Variants in C1orf21 observed in about 807,000 individuals in gnomAD.
C1orf21 encodes chromosome 1 open reading frame 21.
In C1orf21, 3 loss-of-function variants were observed where a neutral mutation model predicts 18.7. That is an observed-to-expected ratio of 0.16 (90% CI 0.07 to 0.42). The LOEUF is 0.42. C1orf21 is among the 10% of genes least tolerant of loss of function. The pLI is 0.99. For synonymous variants in C1orf21, 41 were observed against 46.4 expected (o/e 0.88, Z 0.47); for missense variants, 104 against 143.6 (o/e 0.72, Z 1.41).
intron 2 of C1orf21, among the ~76,000 whole-genome samples, chr1:184,486,098 G>A (rs1214486060): frequency 6.6e-6 from 1 of 152,210 alleles, no homozygotes; most frequent in African/African-American, 2.4e-5. Flanking sequence ...TGGAATCACA[G>A]AAGCCAGTCG....
intron 3 of C1orf21, among the ~76,000 whole-genome samples, chr1:184,554,895 G>A (rs1408290540): frequency 6.6e-6 from 1 of 152,202 alleles, no homozygotes; most frequent in East Asian, 1.9e-4. Context: ...GTTCAAAAGT[G>A]CATGCACATG....
chr1:184,565,877 CAAGTA>C (rs1326825231), intron 3 of C1orf21, among the ~76,000 whole-genome samples: 3 of 152,132 alleles, frequency 2.0e-5, no homozygotes, highest in African/African-American at 7.2e-5. Flanking sequence ...TATAAATCTA[CAAGTA>C]AATATTTTAA....
chr1:184,423,859 G>A lies in C1orf21; in HGVS notation c.-125+36491G>A, dbSNP rs912405799. ...CCCTCCACTCATCCATCCACCCATC[G>A]TCCATCCATCCATCCATCCATCCAT... is the stretch of plus-strand genomic sequence containing the variant. On this transcript the variant is annotated intron_variant, in intron 1 of 5. Coordinates refer to ENST00000235307, the MANE Select transcript of C1orf21 (RefSeq NM_030806.4). 2.9e-4 allele frequency among the ~76,000 whole-genome samples: 42 copies of A among 146,954 alleles called. 1 individual carries two copies. Among genetic ancestry groups the A allele is most frequent in the Admixed American group, 1.9e-3 (28 of 14,654 alleles).
chr1:184,535,148 T>G (rs1048003701), intron 3 of C1orf21, among the ~76,000 whole-genome samples: 1 of 152,216 alleles, frequency 6.6e-6, no homozygotes, highest in Admixed American at 6.5e-5. Context: ...GACAGGGAAC[T>G]ACGATCTGTT....
chr1:184,520,833 C>T (rs1175774028), intron 3 of C1orf21, among the ~76,000 whole-genome samples: 1 of 152,116 alleles, frequency 6.6e-6, no homozygotes, highest in Non-Finnish European at 1.5e-5. Context: ...AAAATAAAAT[C>T]AGGCATAAAC....
intron 1 of C1orf21, among the ~76,000 whole-genome samples, chr1:184,400,346 G>A (rs1463634340): frequency 6.6e-6 from 1 of 152,076 alleles, no homozygotes; most frequent in Admixed American, 6.6e-5. Flanking sequence ...AGTGGACAGA[G>A]TTCAGAAAAA....
chr1:184,487,116 C>T (rs1657743729), intron 2 of C1orf21, among the ~76,000 whole-genome samples: 1 of 150,438 alleles, frequency 6.6e-6, no homozygotes, highest in African/African-American at 2.5e-5. Flanking sequence ...TTGCACTTCC[C>T]CTTGGAGTTA....
At chr1:184,615,974 A>G (rs890505026) in intron 5 of C1orf21, among the ~76,000 whole-genome samples, 4 of 152,176 alleles carry the variant, frequency 2.6e-5, no homozygotes, top group Non-Finnish European at 4.4e-5. Context: ...TTTGAAATAT[A>G]CAATATATTA....
chr1:184,456,096 T>C (rs2101981651), intron 1 of C1orf21, among the ~76,000 whole-genome samples: 1 of 152,306 alleles, frequency 6.6e-6, no homozygotes, highest in South Asian at 2.1e-4. Flanking sequence ...CCTTGGGATG[T>C]AGCAAGCTAT....
intron 3 of C1orf21, among the ~76,000 whole-genome samples, chr1:184,520,583 C>CAA: frequency 6.6e-6 from 1 of 152,314 alleles, no homozygotes; most frequent in South Asian, 2.1e-4. Flanking sequence ...CCTTACTGCT[C>CAA]ATAATGTTTC....
chr1:184,546,307 C>A (rs1658726228), intron 3 of C1orf21, among the ~76,000 whole-genome samples: 1 of 152,080 alleles, frequency 6.6e-6, no homozygotes, highest in Admixed American at 6.6e-5. Context: ...TGGTGGTGCA[C>A]ACCTGTAGTC....
At chr1:184,570,893 G>A (rs1659098808) in intron 3 of C1orf21, among the ~76,000 whole-genome samples, 1 of 152,184 alleles carries the variant, frequency 6.6e-6, no homozygotes, top group Admixed American at 6.5e-5. Flanking sequence ...GGTATAGCCT[G>A]TTGCTCCTAG....
intron 1 of C1orf21, among the ~76,000 whole-genome samples, chr1:184,407,965 A>G (rs1270723521): frequency 1.3e-5 from 2 of 152,184 alleles, no homozygotes; most frequent in African/African-American, 4.8e-5. Context: ...CAGATGGGCT[A>G]ATGGATGCCA....
chr1:184,590,699 C>A, intron 3 of C1orf21, 40 bp from the exon 4 acceptor site: 1 of 1,555,706 alleles, frequency 6.4e-7, no homozygotes, highest in African/African-American at 1.4e-5. Flanking sequence ...ATTGTGGATT[C>A]TAATCCTGTC....
At chr1:184,485,667 T>C (rs1429050828) in intron 2 of C1orf21, among the ~76,000 whole-genome samples, 2 of 151,834 alleles carry the variant, frequency 1.3e-5, no homozygotes, top group Non-Finnish European at 2.9e-5. Context: ...CAAAGAGGGG[T>C]ACATGGGGGA....
chr1:184,595,102 G>C (rs1659495106), intron 4 of C1orf21, among the ~76,000 whole-genome samples: 1 of 152,198 alleles, frequency 6.6e-6, no homozygotes, highest in African/African-American at 2.4e-5. Context: ...GTGCTCCAGT[G>C]CTGCATTGAG....
intron 1 of C1orf21, among the ~76,000 whole-genome samples, chr1:184,394,028 A>G (rs1375339904): frequency 6.6e-6 from 1 of 152,212 alleles, no homozygotes; most frequent in Non-Finnish European, 1.5e-5. Context: ...TGTAGCCTAT[A>G]TCAGCCCTAT....
intron 3 of C1orf21, among the ~76,000 whole-genome samples, chr1:184,520,425 A>G (rs1240224089): frequency 1.3e-5 from 2 of 152,242 alleles, no homozygotes; most frequent in Non-Finnish European, 2.9e-5. Flanking sequence ...CTGAAGATTC[A>G]TTATTAGCAC....
intron 2 of C1orf21, among the ~76,000 whole-genome samples, chr1:184,489,382 A>G (rs1359599864): frequency 6.6e-6 from 1 of 152,118 alleles, no homozygotes; most frequent in Non-Finnish European, 1.5e-5. Context: ...AAAAAAACAA[A>G]CCAGCAAAAA....
Sources: allele counts gnomAD v4.1 joint callset (sites outside exome capture counted in the v4.1 genomes callset), GRCh38; gene constraint gnomAD v4.1.1; transcripts MANE v1.5; gene names NCBI Gene and HGNC (gene_info 2026-07-23, HGNC 2026-07-21).